The following SMAD9 variants were observed in gnomAD, a reference collection of about 807,000 sequenced individuals.
The protein encoded by SMAD9 is SMAD family member 9.
SMAD9 carries 36 observed loss-of-function variants against 46.1 expected under a neutral mutation model. That is an observed-to-expected ratio of 0.78 (90% CI 0.60 to 1.03). SMAD9 has a LOEUF of 1.03. Among genes scored for constraint, SMAD9 ranks in the 50% least tolerant of loss-of-function variants. SMAD9 has a pLI of 0.00. For synonymous variants in SMAD9, 245 were observed against 237.1 expected (o/e 1.03, Z -0.31); for missense variants, 572 against 599.8 (o/e 0.95, Z 0.48).
At chr13:36,895,233 C>T (rs1566034749) in intron 1 of SMAD9, among the ~76,000 whole-genome samples, 1 of 152,154 alleles carries the variant, frequency 6.6e-6, no homozygotes, top group Non-Finnish European at 1.5e-5. Flanking sequence ...GTAAACAACG[C>T]TGTGATGTGG....
At chr13:36,866,500 G>A (rs1427971110) in intron 4 of SMAD9, among the ~76,000 whole-genome samples, 1 of 152,098 alleles carries the variant, frequency 6.6e-6, no homozygotes, top group South Asian at 2.1e-4. Flanking sequence ...TGCCTTTCTA[G>A]TGATTGTATT....
intron 1 of SMAD9, among the ~76,000 whole-genome samples, chr13:36,891,745 G>T (rs1159847992): frequency 6.6e-6 from 1 of 152,134 alleles, no homozygotes; most frequent in African/African-American, 2.4e-5. Flanking sequence ...TCTCCAGGTG[G>T]AAGTCTGAAA....
intron 1 of SMAD9, among the ~76,000 whole-genome samples, chr13:36,881,593 G>T (rs1018945067): frequency 1.3e-5 from 2 of 152,140 alleles, no homozygotes; most frequent in Non-Finnish European, 2.9e-5. Context: ...TCCTCATCTG[G>T]GCTTTATCTG....
chr13:36,889,638 T>A (rs578009198), intron 1 of SMAD9, among the ~76,000 whole-genome samples: 1 of 152,300 alleles, frequency 6.6e-6, no homozygotes, highest in Admixed American at 6.5e-5. Context: ...TTACTGACAA[T>A]GAAATCAATT....
Position 36,900,584 on chromosome 13 carries a change from CTTATT to C in SMAD9, c.-187+19527_-187+19531del, listed in dbSNP as rs1424756329. On this transcript the variant is annotated intron_variant, in intron 1 of 6. Coordinates refer to ENST00000379826, the MANE Select transcript of SMAD9 (RefSeq NM_001127217.3). ...ATGAGCCACCCGCTTGGCCGACTATCTTATTTTAAACTGCAAACCCCCACCACCCC... is the reference window on the plus strand; with the variant it reads ...ATGAGCCACCCGCTTGGCCGACTATCTTAAACTGCAAACCCCCACCACCCC... Among the ~76,000 whole-genome samples the C allele has an allele frequency of 4.6e-5, 7 of 151,730 alleles. No individual in the cohort carries two copies. The East Asian group carries it at 1.2e-3, about 25-fold the overall frequency.
At position 36,879,156 on chromosome 13, in the gene SMAD9, C is replaced by CCTCTCT. The variant is rs10658358; in HGVS notation, c.412+116_412+121dup. 319 of 870,142 alleles carry CCTCTCT rather than the reference C, an allele frequency of 3.7e-4. 1 individual carries two copies. In the South Asian group the frequency reaches 4.5e-3, roughly 12 times the overall value. The allele number at this position is 870,142 out of a possible 1,614,324, so 53.9% of individuals were successfully genotyped here. ...GTCCCTCAAAACTGAACCTCCCTCT[C>CCTCTCT]CTCTCTTCTCTCTCTCTCTTTTGGG... On this transcript the variant is annotated intron_variant, in intron 2 of 6. Coordinates refer to ENST00000379826, the MANE Select transcript of SMAD9 (RefSeq NM_001127217.3).
chr13:36,860,451 C>CTTTT lies in SMAD9; in HGVS notation c.1003+5082_1003+5085dup, dbSNP rs1195704304. On this transcript the variant is annotated intron_variant, in intron 5 of 6. Transcript: ENST00000379826. Reference sequence around the variant, plus strand: ...CCCACAAAGGGAGAAATTTTTTTACCTTTTTTTTTTTTTTTTGAGATGGAG... The same window carrying CTTTT: ...CCCACAAAGGGAGAAATTTTTTTACCTTTTTTTTTTTTTTTTTTTTGAGATGGAG... Among the ~76,000 whole-genome samples the CTTTT allele has an allele frequency of 3.6e-3, 484 of 135,662 alleles. 9 individuals are homozygous for CTTTT. The highest frequency in any genetic ancestry group is 0.012 in the African/African-American group (437 of 36,076). The allele number at this position is 135,662 out of a possible 152,430, so 89.0% of individuals were successfully genotyped here.
At chr13:36,884,655 G>C (rs2058430210) in intron 1 of SMAD9, among the ~76,000 whole-genome samples, 1 of 152,136 alleles carries the variant, frequency 6.6e-6, no homozygotes, top group Admixed American at 6.5e-5. Flanking sequence ...GGAGACATAA[G>C]CTTTTTTACT....
intron 1 of SMAD9, among the ~76,000 whole-genome samples, chr13:36,880,649 A>T (rs1444969944): frequency 6.6e-6 from 1 of 152,150 alleles, no homozygotes; most frequent in Non-Finnish European, 1.5e-5. Flanking sequence ...CTCTTTTCCA[A>T]TTACTTATTT....
In SMAD9 at chr13:36,890,149, T is replaced by G. The variant is rs542536810; in HGVS notation, c.-186-10274A>C. ...GCATATCTAATTTTTTTTCTTTCTT[T>G]TTTGTTTTCTAAAGGCATATTCAAT... is the stretch of plus-strand genomic sequence containing the variant. On this transcript the variant is annotated intron_variant, in intron 1 of 6. Coordinates refer to ENST00000379826, the MANE Select transcript of SMAD9 (RefSeq NM_001127217.3). 3.9e-4 allele frequency among the ~76,000 whole-genome samples: 59 copies of G among 152,332 alleles called. 1 individual carries two copies. The South Asian group carries it at 8.5e-3, about 22-fold the overall frequency.
intron 5 of SMAD9, among the ~76,000 whole-genome samples, chr13:36,864,117 A>C (rs1277860085): frequency 1.3e-5 from 2 of 152,228 alleles, no homozygotes; most frequent in African/African-American, 4.8e-5. Flanking sequence ...GAGTTCACTG[A>C]AGGTTCTTCT....
intron 1 of SMAD9, among the ~76,000 whole-genome samples, chr13:36,894,524 T>C (rs1003083004): frequency 6.6e-6 from 1 of 152,124 alleles, no homozygotes; most frequent in African/African-American, 2.4e-5. Context: ...CAACAACTCA[T>C]AAAGTTACAA....
chr13:36,880,579 G>GTGTGCCC (rs758193377), intron 1 of SMAD9, among the ~76,000 whole-genome samples: 17 of 152,218 alleles, frequency 1.1e-4, no homozygotes, highest in Non-Finnish European at 2.4e-4. Flanking sequence ...GGCTCTCAAA[G>GTGTGCCC]TGTGCCCCAA....
At chr13:36,865,060 C>T (rs532510733) in intron 5 of SMAD9, among the ~76,000 whole-genome samples, 45 of 152,232 alleles carry the variant, frequency 3.0e-4, no homozygotes, top group African/African-American at 1.1e-3. Context: ...ACAGGAGAGC[C>T]CCAATCACAT....
chr13:36,856,427 C>T (rs1040831039), intron 5 of SMAD9, among the ~76,000 whole-genome samples: 1 of 152,170 alleles, frequency 6.6e-6, no homozygotes, highest in African/African-American at 2.4e-5. Context: ...GGCAAAGCTA[C>T]CAATGCAGAG....
rs530464731 is a variant in SMAD9 at position 36,873,487 on chromosome 13, T to C, written c.413-572A>G. On this transcript the variant is annotated intron_variant, in intron 2 of 6. Coordinates refer to ENST00000379826, the MANE Select transcript of SMAD9 (RefSeq NM_001127217.3). Reference sequence around the variant, plus strand: ...GAAATAAAAACATTCTATGTGTCCTTAATGGAAAGATTTCAAGGTGAGTAA... The same window carrying C: ...GAAATAAAAACATTCTATGTGTCCTCAATGGAAAGATTTCAAGGTGAGTAA... Among the ~76,000 whole-genome samples, 4 of 152,296 alleles carry C rather than the reference T, an allele frequency of 2.6e-5. No homozygotes were observed. The South Asian group carries it at 8.3e-4, about 32-fold the overall frequency.
intron 6 of SMAD9, among the ~76,000 whole-genome samples, chr13:36,853,200 G>T (rs1034022519): frequency 6.6e-6 from 1 of 152,040 alleles, no homozygotes; most frequent in Non-Finnish European, 1.5e-5. Context: ...TAGGAAAATC[G>T]CTTGAACCCG....
intron 1 of SMAD9, among the ~76,000 whole-genome samples, chr13:36,880,625 G>T (rs1342403985): frequency 1.3e-5 from 2 of 152,178 alleles, no homozygotes; most frequent in African/African-American, 4.8e-5. Flanking sequence ...CTTTTAAGGG[G>T]ACTATGAGGT....
intron 2 of SMAD9, among the ~76,000 whole-genome samples, chr13:36,878,676 A>C (rs949901397): frequency 6.6e-6 from 1 of 152,192 alleles, no homozygotes; most frequent in Non-Finnish European, 1.5e-5. Flanking sequence ...GAACTTGAAC[A>C]AAGTAGCAGC....
Sources: gnomAD v4.1 joint callset for allele counts (sites outside exome capture counted in the v4.1 genomes callset) on GRCh38, gnomAD v4.1.1 for gene constraint, MANE v1.5 for transcripts, NCBI Gene and HGNC (gene_info 2026-07-23, HGNC 2026-07-21) for gene names.